The following METTL24 variants were observed in gnomAD, a reference collection of about 807,000 sequenced individuals.
METTL24 encodes probable methyltransferase-like protein 24.
A neutral mutation model predicts 32.7 loss-of-function variants in METTL24; 29 were observed. That is an observed-to-expected ratio of 0.89 (90% CI 0.66 to 1.21). METTL24 has a LOEUF of 1.21. Among genes scored for constraint, METTL24 ranks in the 50% most tolerant of loss-of-function variants. The pLI, the probability that METTL24 is intolerant of heterozygous loss-of-function variation, is 0.00. For synonymous variants in METTL24, 163 were observed against 179.5 expected (o/e 0.91, Z 0.73); for missense variants, 439 against 468.1 (o/e 0.94, Z 0.57).
chr6:110,301,821 AT>A (rs1174944711), intron 3 of METTL24, among the ~76,000 whole-genome samples: 5 of 152,300 alleles, frequency 3.3e-5, no homozygotes, highest in South Asian at 2.1e-4. Context: ...ACTACAAAGC[AT>A]TTTTTTAGTA....
In METTL24 at chr6:110,278,450, C is replaced by A. The variant is rs139221135; in HGVS notation, c.786+20472G>T. On this transcript the variant is annotated intron_variant, in intron 4 of 4. Transcript: ENST00000338882. ...CGGTAATTTGGTAAGTTTAATTTTT[C>A]TGTGAAATTTTAGAGCCTGGCTGTA... Among the ~76,000 whole-genome samples, 1,002 of 152,284 alleles carry A rather than the reference C, an allele frequency of 6.6e-3. 18 individuals carry two copies. Among genetic ancestry groups the A allele is most frequent in the African/African-American group, 0.022 (927 of 41,550 alleles).
chr6:110,351,436 A>G (rs576335906), intron 1 of METTL24, among the ~76,000 whole-genome samples: 2 of 152,292 alleles, frequency 1.3e-5, no homozygotes, highest in South Asian at 4.1e-4. Flanking sequence ...AGCTAGCTAG[A>G]TGGGTATAGA....
chr6:110,256,964 C>T (rs1006274389), intron 4 of METTL24, among the ~76,000 whole-genome samples: 1 of 152,200 alleles, frequency 6.6e-6, no homozygotes, highest in African/African-American at 2.4e-5. Flanking sequence ...CCTCTGACAG[C>T]ATACAGGGCA....
chr6:110,246,965 C>G (rs1182380974), intron 4 of METTL24, among the ~76,000 whole-genome samples: 1 of 145,420 alleles, frequency 6.9e-6, no homozygotes, highest in Non-Finnish European at 1.5e-5. Flanking sequence ...AAAAAAAAAG[C>G]AGTAACACCA....
At chr6:110,304,961 C>A (rs1771602315) in intron 3 of METTL24, among the ~76,000 whole-genome samples, 3 of 152,308 alleles carry the variant, frequency 2.0e-5, no homozygotes, top group Admixed American at 2.0e-4. Context: ...GCAGATCTCT[C>A]TCTGCAGAAA....
At chr6:110,330,300 G>C (rs1300794638) in intron 1 of METTL24, among the ~76,000 whole-genome samples, 1 of 152,214 alleles carries the variant, frequency 6.6e-6, no homozygotes, top group Non-Finnish European at 1.5e-5. Context: ...CCCAGAGAGT[G>C]GGGTGAATCC....
intron 4 of METTL24, among the ~76,000 whole-genome samples, chr6:110,283,325 T>C (rs534090064): frequency 6.6e-6 from 1 of 151,962 alleles, no homozygotes; most frequent in Non-Finnish European, 1.5e-5. Flanking sequence ...GTAAAAACTA[T>C]CCCAACATCT....
chr6:110,312,263 T>C (rs774184906), intron 3 of METTL24, among the ~76,000 whole-genome samples: 8 of 152,194 alleles, frequency 5.3e-5, no homozygotes, highest in Admixed American at 6.5e-5. Context: ...GGATGTAAAC[T>C]AGTATAGCCA....
At chr6:110,339,997 A>G (rs1301022200) in intron 1 of METTL24, among the ~76,000 whole-genome samples, 1 of 152,244 alleles carries the variant, frequency 6.6e-6, no homozygotes, top group Admixed American at 6.5e-5. Flanking sequence ...TCAAGAAGCT[A>G]TGAATTTTCC....
intron 4 of METTL24, among the ~76,000 whole-genome samples, chr6:110,252,090 G>T (rs370047130): frequency 6.6e-6 from 1 of 152,276 alleles, no homozygotes; most frequent in African/African-American, 2.4e-5. Context: ...GTTGCAGTGA[G>T]CTGAGATGGC....
At chr6:110,353,547 C>CTT (rs75803780) in intron 1 of METTL24, among the ~76,000 whole-genome samples, 24 of 104,012 alleles carry the variant, frequency 2.3e-4, no homozygotes, top group African/African-American at 3.9e-4. Flanking sequence ...GGAAACAGTT[C>CTT]TTTTTTTTTT....
At chr6:110,298,833 T>C in intron 4 of METTL24, 89 bp downstream of exon 4, 2 of 1,107,828 alleles carry the variant, frequency 1.8e-6, no homozygotes, top group Non-Finnish European at 2.6e-6. Context: ...AGCTATCCAA[T>C]GTCAATGTTG....
At chr6:110,324,817 A>G (rs751308967) in intron 1 of METTL24, among the ~76,000 whole-genome samples, 2 of 152,208 alleles carry the variant, frequency 1.3e-5, no homozygotes, top group Non-Finnish European at 1.5e-5. Flanking sequence ...CCATTTGGTC[A>G]AACAATATTT....
chr6:110,262,448 C>A (rs1298193057), intron 4 of METTL24, among the ~76,000 whole-genome samples: 1 of 152,160 alleles, frequency 6.6e-6, no homozygotes, highest in Non-Finnish European at 1.5e-5. Context: ...AGACCAATAA[C>A]AGGCTCTGAA....
At chr6:110,296,629 G>T (rs568570577) in intron 4 of METTL24, among the ~76,000 whole-genome samples, 2 of 152,226 alleles carry the variant, frequency 1.3e-5, no homozygotes, top group Non-Finnish European at 2.9e-5. Flanking sequence ...ATCTACGTAT[G>T]GATATACAGA....
chr6:110,304,239 C>G (rs113486363), intron 3 of METTL24, among the ~76,000 whole-genome samples: 1,685 of 152,184 alleles, frequency 0.011, 22 homozygotes, highest in African/African-American at 0.038. Context: ...CTGAAAATTC[C>G]AAAAACCAGA....
chr6:110,339,883 A>C (rs1582438329), intron 1 of METTL24, among the ~76,000 whole-genome samples: 1 of 152,328 alleles, frequency 6.6e-6, no homozygotes, highest in Non-Finnish European at 1.5e-5. Context: ...CTAACTTAGA[A>C]GATGCCAGAG....
At chr6:110,330,628 C>T (rs900006651) in intron 1 of METTL24, among the ~76,000 whole-genome samples, 1 of 152,112 alleles carries the variant, frequency 6.6e-6, no homozygotes, top group African/African-American at 2.4e-5. Context: ...AACAGACAGA[C>T]AGACCTCTGC....
At chr6:110,307,230 A>G (rs1771641694) in intron 3 of METTL24, among the ~76,000 whole-genome samples, 1 of 152,254 alleles carries the variant, frequency 6.6e-6, no homozygotes, top group African/African-American at 2.4e-5. Flanking sequence ...GGACAAATGG[A>G]TAAGTTAAAC....
Sources: gnomAD v4.1 joint callset for allele counts (sites outside exome capture counted in the v4.1 genomes callset) on GRCh38, gnomAD v4.1.1 for gene constraint, MANE v1.5 for transcripts, NCBI Gene and HGNC (gene_info 2026-07-23, HGNC 2026-07-21) for gene names.